SNX31: variants seen among roughly 807,000 people sequenced by gnomAD.
SNX31 encodes the protein sorting nexin 31.
Under a neutral mutation model 65.4 loss-of-function variants are expected in SNX31, and 58 were observed. The ratio of observed to expected loss-of-function variants is 0.89; its 90% CI spans 0.72 to 1.10. SNX31 has a LOEUF of 1.10. Ranked by LOEUF, SNX31 falls within the 50% of genes least tolerant of loss-of-function variation. The pLI is 0.00. For missense variants in SNX31, 523 were observed against 529.7 expected (o/e 0.99, Z 0.12); for synonymous variants, 181 against 190.1 (o/e 0.95, Z 0.39).
At chr8:100,645,754 G>C (rs1339162046) in intron 2 of SNX31, among the ~76,000 whole-genome samples, 1 of 151,974 alleles carries the variant, frequency 6.6e-6, no homozygotes, top group Non-Finnish European at 1.5e-5. Context: ...TGGAATTACA[G>C]GAGCACCACC....
upstream of SNX31, among the ~76,000 whole-genome samples, chr8:100,650,850 G>GTTTTTTTT (rs58797178): frequency 1.5e-4 from 20 of 136,968 alleles, no homozygotes; most frequent in Middle Eastern, 3.7e-3. Context: ...GTGTTTTTTT[G>GTTTTTTTT]TTTTTTTTTT....
At chr8:100,600,493 T>A (rs1258945352) in intron 8 of SNX31, 52 bp from the exon 9 acceptor site, 2 of 1,475,974 alleles carry the variant, frequency 1.4e-6, no homozygotes, top group Admixed American at 3.8e-5. Context: ...AATTAATCAA[T>A]CTGACAAAAA....
rs780532655 is a variant in SNX31 at position 100,584,097 on chromosome 8, A to G, written c.1170+14T>C. On this transcript the variant is annotated intron_variant, in intron 12 of 13. Transcript: ENST00000311812. ...AACGTAAAGTGAAAAATAGACACAG[A>G]TAAGAGCACTCACCATTTCTGTATT... 3 of 1,599,814 alleles carry G rather than the reference A, an allele frequency of 1.9e-6. No individual in the cohort carries two copies. Among genetic ancestry groups the G allele is most frequent in the Admixed American group, 1.7e-5 (1 of 57,366 alleles).
Position 100,614,571 on chromosome 8 carries a change from T to C in SNX31, c.433-1486A>G, listed in dbSNP as rs529332790. ...GTAGTCCTAGATTTTAGCTTGCTGC[T>C]GGCCCTTAAAGAGGCCATTGAGGCC... On this transcript the variant is annotated intron_variant, in intron 5 of 13. Transcript: ENST00000311812. This position sits in a 1 kb window ranked among gnomAD's most constrained non-coding sequence, Gnocchi z 5.1. Among the ~76,000 whole-genome samples the C allele has an allele frequency of 1.3e-5, 2 of 152,304 alleles. No individual in the cohort carries two copies. Among genetic ancestry groups the C allele is most frequent in the South Asian group, 4.1e-4 (2 of 4,826 alleles).
chr8:100,605,914 T>C lies in SNX31; in HGVS notation c.681+2580A>G, dbSNP rs536433596. ...TGTGATGCAATCTCATCCAAGGTCATGGTATCAAACCAGACACAGCTAAAA... is the reference window on the plus strand; with the variant it reads ...TGTGATGCAATCTCATCCAAGGTCACGGTATCAAACCAGACACAGCTAAAA... On this transcript the variant is annotated intron_variant, in intron 8 of 13. Coordinates refer to ENST00000311812, the MANE Select transcript of SNX31 (RefSeq NM_152628.4). Among the ~76,000 whole-genome samples the C allele has an allele frequency of 2.0e-5, 3 of 152,312 alleles. No homozygotes were observed. In the South Asian group the frequency reaches 6.2e-4, roughly 32 times the overall value.
intron 2 of SNX31, among the ~76,000 whole-genome samples, chr8:100,639,140 T>C (rs77660061): frequency 0.086 from 13,072 of 152,152 alleles, 618 homozygotes; most frequent in Non-Finnish European, 0.095. Context: ...CATGACACTA[T>C]GCATTAGTCA....
At chr8:100,586,675 C>G (rs992609395) in intron 11 of SNX31, among the ~76,000 whole-genome samples, 2 of 152,242 alleles carry the variant, frequency 1.3e-5, no homozygotes, top group African/African-American at 2.4e-5. Context: ...TAAGGACCCA[C>G]TCCTTTAACC....
chr8:100,627,516 A>G (rs1344349741), intron 4 of SNX31, among the ~76,000 whole-genome samples: 2 of 152,226 alleles, frequency 1.3e-5, no homozygotes, highest in African/African-American at 2.4e-5. Context: ...TCTGCAAGAC[A>G]TAGGTCTAAA....
In SNX31 at chr8:100,617,664, T is replaced by C. The variant is rs1169647045; in HGVS notation, c.388A>G (p.Arg130Gly). 2 of 1,613,786 alleles carry C rather than the reference T, an allele frequency of 1.2e-6. No homozygotes were observed. The highest frequency in any genetic ancestry group is 1.7e-6 in the Non-Finnish European group (2 of 1,179,900). Reference sequence around the variant, plus strand: ...GTGTCTGATGTTATAATTTCGATTCTAATACTCTGTTCATTGGGCAGAAAT... The same window carrying C: ...GTGTCTGATGTTATAATTTCGATTCCAATACTCTGTTCATTGGGCAGAAAT... ...DIFLPNEQSI[R>G]IEIITSDTAE... The change falls in exon 5 of 14, where the codon AGA becomes GGA. Residue 130 changes from arginine to glycine, a missense_variant. Physicochemically the swap from Arg to Gly is moderately radical, Grantham distance 125 (BLOSUM62 -2). Coordinates refer to ENST00000311812, the MANE Select transcript of SNX31 (RefSeq NM_152628.4).
At chr8:100,643,257 C>G (rs963173505) in intron 2 of SNX31, among the ~76,000 whole-genome samples, 1 of 152,136 alleles carries the variant, frequency 6.6e-6, no homozygotes, top group African/African-American at 2.4e-5. Context: ...ACCAACTACC[C>G]CTTCGTACAG....
intron 2 of SNX31, among the ~76,000 whole-genome samples, chr8:100,642,632 C>T (rs1289553246): frequency 6.6e-6 from 1 of 152,124 alleles, no homozygotes; most frequent in Admixed American, 6.5e-5. Flanking sequence ...GTTAAATGTG[C>T]CAAAAGTCAA....
At chr8:100,644,921 C>T (rs1819524182) in intron 2 of SNX31, among the ~76,000 whole-genome samples, 1 of 152,236 alleles carries the variant, frequency 6.6e-6, no homozygotes, top group Non-Finnish European at 1.5e-5. Flanking sequence ...CCTTGGCCTC[C>T]CAAAATGCTG....
intron 3 of SNX31, among the ~76,000 whole-genome samples, chr8:100,632,029 G>T (rs1280510192): frequency 6.6e-6 from 1 of 152,190 alleles, no homozygotes; most frequent in African/African-American, 2.4e-5. Flanking sequence ...CACGGATAAA[G>T]AAACTGAGGC....
Position 100,605,024 on chromosome 8 carries a change from G to A in SNX31, c.681+3470C>T, listed in dbSNP as rs540337282. Among the ~76,000 whole-genome samples the A allele has an allele frequency of 5.3e-5, 8 of 152,114 alleles. No individual in the cohort carries two copies. The South Asian group carries it at 6.2e-4, about 12-fold the overall frequency. On this transcript the variant is annotated intron_variant, in intron 8 of 13. Coordinates refer to ENST00000311812, the MANE Select transcript of SNX31 (RefSeq NM_152628.4). ...AGAGATTCTCCTGCCTCGGCCTCCC[G>A]AGTAGCTGGGACTACAGGCGTGCGC...
rs975184119 is a variant in SNX31, at chr8:100,649,472, C to G, written c.43G>C (p.Asp15His). 4.4e-6 allele frequency: 7 copies of G among 1,580,910 alleles called. No homozygotes were observed. The highest frequency in any genetic ancestry group is 5.2e-6 in the Non-Finnish European group (6 of 1,164,436). Residue 15 changes from aspartate (D) to histidine (H), a missense_variant, in exon 1 of 14, where the codon GAC becomes CAC. Transcript: ENST00000311812. ...FCIPVSQQRSDALGGRYVLYS... is the reference protein window; with the variant it reads ...FCIPVSQQRSHALGGRYVLYS... ...ACCACGTAGCGGCCCCCCAGCGCGT[C>G]GGACCGCTGCTGGGACACCGGGATA...
chr8:100,651,293 CA>C (rs1166915927), upstream of SNX31, among the ~76,000 whole-genome samples: 6 of 152,200 alleles, frequency 3.9e-5, no homozygotes, highest in East Asian at 9.6e-4. Context: ...ATACCAAGGC[CA>C]GGGGTATTCC....
chr8:100,650,946 G>A (rs753760623), upstream of SNX31, among the ~76,000 whole-genome samples: 12 of 149,930 alleles, frequency 8.0e-5, no homozygotes, highest in Admixed American at 2.0e-4. Context: ...TCTGCCTCCC[G>A]GGTTCAAGTG....
chr8:100,649,041 C>T (rs1413625310), intron 2 of SNX31, among the ~76,000 whole-genome samples: 1 of 152,236 alleles, frequency 6.6e-6, no homozygotes, highest in Non-Finnish European at 1.5e-5. Flanking sequence ...GAATCACCTG[C>T]GCCCGGTTCC....
upstream of SNX31, among the ~76,000 whole-genome samples, chr8:100,652,517 C>T (rs745595429): frequency 2.0e-5 from 3 of 152,234 alleles, no homozygotes; most frequent in Admixed American, 6.5e-5. Flanking sequence ...CCTTATGGAG[C>T]CTAAGCTTAT....
Sources: gnomAD v4.1 joint callset for allele counts (sites outside exome capture counted in the v4.1 genomes callset) on GRCh38, gnomAD v4.1.1 for gene constraint, Gnocchi (gnomAD v3.1) non-coding constraint, MANE v1.5 for transcripts, NCBI Gene and HGNC (gene_info 2026-07-23, HGNC 2026-07-21) for gene names.